FBXO2: variants seen among roughly 807,000 people sequenced by gnomAD.
FBXO2 encodes the protein F-box protein 2.
Under a neutral mutation model 38.6 loss-of-function variants are expected in FBXO2, and 32 were observed. That is an observed-to-expected ratio of 0.83 (90% CI 0.62 to 1.11). FBXO2 has a LOEUF of 1.11. Ranked by LOEUF, FBXO2 falls within the 50% of genes most tolerant of loss-of-function variation. The pLI is 0.00. For synonymous variants in FBXO2, 189 were observed against 182.9 expected, an observed-to-expected ratio of 1.03 and a Z score of -0.27; for missense variants, 450 against 418.3, an observed-to-expected ratio of 1.08 and a Z score of -0.66.
chr1:11,654,374 G>C lies in FBXO2; in HGVS notation c.-34C>G, dbSNP rs892150810. 6 of 1,384,636 alleles carry C rather than the reference G, an allele frequency of 4.3e-6. No individual in the cohort carries two copies. The highest frequency in any genetic ancestry group is 3.6e-5 in the Admixed American group (1 of 27,908). The allele number at this position is 1,384,636 out of a possible 1,614,324, so 85.8% of individuals were successfully genotyped here. On this transcript the variant is annotated 5_prime_UTR_variant, in exon 1 of 6. Coordinates refer to ENST00000354287, the MANE Select transcript of FBXO2 (RefSeq NM_012168.6). ...AGGGCGGTCGCGAGAGGAGGAGCCG[G>C]AGCGCTGCGGGCTGCGCGAGTCCCG...
chr1:11,651,941 C>T (rs1639528632), intron 1 of FBXO2, among the ~76,000 whole-genome samples: 1 of 152,102 alleles, frequency 6.6e-6, no homozygotes, highest in African/African-American at 2.4e-5. Flanking sequence ...TCAGGTGATC[C>T]ACCCGCCTCA....
chr1:11,648,865 C>T lies in FBXO2; in HGVS notation c.757-37G>A. The T allele has an allele frequency of 6.2e-7, 1 of 1,608,732 alleles. No individual in the cohort carries two copies. The highest frequency in any genetic ancestry group is 1.1e-5 in the South Asian group (1 of 90,982). ...GGTAACAAGAGTCAGCCTCGGAGGT[C>T]CTGAGGCCTCTCCTGCCGCCCCACC... On this transcript the variant is annotated intron_variant, in intron 5 of 5. Transcript: ENST00000354287. This position sits in a 1 kb window ranked among gnomAD's most constrained non-coding sequence, Gnocchi z 4.2.
chr1:11,650,541 C>T lies in FBXO2; in HGVS notation c.316G>A (p.Glu106Lys). ...GLVPEGGVEE[E>K]RDHWQQFYFL... The stretch of plus-strand genomic sequence containing the variant: ...TAGAACTGCTGCCAGTGGTCGCGCT[C>T]CTCCTCCACGCCGCCCTCGGGCACC... The change falls in exon 2 of 6, where the codon GAG (glutamate) becomes AAG (lysine). Residue 106 changes from glutamate (E) to lysine (K), a missense_variant. By Grantham distance (56) the Glu-to-Lys change is moderately conservative (BLOSUM62 1). Coordinates refer to ENST00000354287, the MANE Select transcript of FBXO2 (RefSeq NM_012168.6). The T allele has an allele frequency of 6.2e-7, 1 of 1,601,062 alleles. No individual in the cohort carries two copies. The highest frequency in any genetic ancestry group is 8.5e-7 in the Non-Finnish European group (1 of 1,175,198).
At chr1:11,652,926 T>A (rs1171860924) in intron 1 of FBXO2, among the ~76,000 whole-genome samples, 1 of 152,208 alleles carries the variant, frequency 6.6e-6, no homozygotes, top group Non-Finnish European at 1.5e-5. Context: ...TGAACCTCAT[T>A]GAACACAGCA....
intron 4 of FBXO2, 48 bp from the exon 5 acceptor site, chr1:11,649,273 G>A (rs1481894171): frequency 2.2e-6 from 3 of 1,365,410 alleles, no homozygotes; most frequent in Non-Finnish European, 3.0e-6. Context: ...TGGGGTGGGG[G>A]CATGGCCTCA....
chr1:11,652,159 C>G (rs965370872), intron 1 of FBXO2, among the ~76,000 whole-genome samples: 1 of 152,170 alleles, frequency 6.6e-6, no homozygotes, highest in Admixed American at 6.5e-5. Context: ...TGCAAATGCT[C>G]AGGCTCAGGG....
intron 2 of FBXO2, 70 bp from the exon 3 acceptor site, chr1:11,650,144 T>C (rs1471532647): frequency 6.3e-7 from 1 of 1,591,072 alleles, no homozygotes; most frequent in Non-Finnish European, 8.6e-7. Flanking sequence ...CACTATGTGG[T>C]GGGGGGCAGG....
In FBXO2 at chr1:11,648,427, G is replaced by A; in HGVS notation, c.*267C>T. 2.1e-6 allele frequency: 1 copy of A among 465,448 alleles called. No homozygotes were observed. 28.8% of individuals were successfully genotyped at this position (465,448 alleles called of 1,614,324 possible). A position where few individuals can be genotyped will look rare whatever the true frequency, so the allele number is the denominator to read the frequency against. On this transcript the variant is annotated 3_prime_UTR_variant, in exon 6 of 6. Coordinates refer to ENST00000354287, the MANE Select transcript of FBXO2 (RefSeq NM_012168.6). This position sits in a 1 kb window ranked among gnomAD's most constrained non-coding sequence, Gnocchi z 4.2. ...ATATTTATTGAGAGCCCACTTTGTG[G>A]CAAGCACTGTGCTAGGTGCAGGGAA...
chr1:11,649,761 A>ACC lies in FBXO2; in HGVS notation c.617+16_617+17dup. On this transcript the variant is annotated intron_variant, in intron 4 of 5. Transcript: ENST00000354287. ...ACCCCGCTCCTCCCAGCCCCATGCCACCCCAGGACCCTCTCACCAGTCCTT... is the reference window on the plus strand; with the variant it reads ...ACCCCGCTCCTCCCAGCCCCATGCCACCCCCCAGGACCCTCTCACCAGTCCTT... 6.2e-7 allele frequency: 1 copy of ACC among 1,610,044 alleles called. No individual in the cohort carries two copies. The highest frequency in any genetic ancestry group is 8.5e-7 in the Non-Finnish European group (1 of 1,178,152).
rs1209434284 is a variant in FBXO2 at position 11,649,946 on chromosome 1, C to G, written c.520G>C (p.Glu174Gln). 4 of 1,614,026 alleles carry G rather than the reference C, an allele frequency of 2.5e-6. No homozygotes were observed. The Admixed American group carries it at 6.7e-5, about 27-fold the overall frequency. The change falls in exon 3 of 6, where the codon GAG becomes CAG. Residue 174 changes from glutamate (E) to glutamine (Q), a missense_variant and splice_region_variant. Glu to Gln is a conservative substitution (Grantham distance 29). Transcript: ENST00000354287. Reference protein sequence around the residue: ...SVKKYFASSFEWCRKAQVIDL... With the variant: ...SVKKYFASSFQWCRKAQVIDL... Reference sequence around the variant, plus strand: ...CCTCCTCCACCCCCTTCTCCTTACTCAAAGGAGGAGGCGAAGTACTTCTTG... The same window carrying G: ...CCTCCTCCACCCCCTTCTCCTTACTGAAAGGAGGAGGCGAAGTACTTCTTG...
rs1639471298 is a variant in FBXO2 at position 11,649,150 on chromosome 1, C to T, written c.693G>A (p.Leu231=). The change falls in exon 5 of 6, where the codon CTG becomes CTA. Residue 231 remains leucine (L), a synonymous_variant. Coordinates refer to ENST00000354287, the MANE Select transcript of FBXO2 (RefSeq NM_012168.6). ...CCACCTGCCCGCTGCTGAACTCAGCCAGCACGTTCTCGTGCTCGGACAGTA... is the reference window on the plus strand; with the variant it reads ...CCACCTGCCCGCTGCTGAACTCAGCTAGCACGTTCTCGTGCTCGGACAGTA... ...VKLLSEHENV[L]AEFSSGQVAV... is the part of the protein sequence containing the mutation. 2 of 1,588,166 alleles carry T rather than the reference C, an allele frequency of 1.3e-6. No individual in the cohort carries two copies. The highest frequency in any genetic ancestry group is 2.3e-5 in the South Asian group (2 of 87,094).
intron 1 of FBXO2, among the ~76,000 whole-genome samples, chr1:11,651,696 G>C (rs1262189727): frequency 6.8e-6 from 1 of 147,270 alleles, no homozygotes; most frequent in Non-Finnish European, 1.5e-5. Flanking sequence ...GCAGTGTTAG[G>C]ATTTTGACTT....
chr1:11,652,527 C>A (rs552938691), intron 1 of FBXO2, among the ~76,000 whole-genome samples: 1 of 152,350 alleles, frequency 6.6e-6, no homozygotes, highest in East Asian at 1.9e-4. Context: ...GTCACCGCGG[C>A]AGCCGGACTG....
chr1:11,649,590 G>A, intron 4 of FBXO2, 189 bp downstream of exon 4: 1 of 607,498 alleles, frequency 1.6e-6, no homozygotes, highest in Non-Finnish European at 2.9e-6. Context: ...TTAAAACTCA[G>A]GAGGGGAGGT....
intron 1 of FBXO2, among the ~76,000 whole-genome samples, chr1:11,651,057 T>C (rs936794807): frequency 5.9e-5 from 9 of 152,192 alleles, no homozygotes; most frequent in African/African-American, 2.2e-4. Context: ...CAGAGGCCTA[T>C]TTCCTCTGCT....
chr1:11,650,878 T>TA (rs1314611937), intron 1 of FBXO2, 44 bp from the exon 2 acceptor site: 1 of 1,552,772 alleles, frequency 6.4e-7, no homozygotes, highest in African/African-American at 1.4e-5. Flanking sequence ...CTCCACCCTG[T>TA]ACTCCTCCAG....
chr1:11,651,801 A>G (rs1328771277), intron 1 of FBXO2, among the ~76,000 whole-genome samples: 1 of 152,136 alleles, frequency 6.6e-6, no homozygotes, highest in Non-Finnish European at 1.5e-5. Flanking sequence ...GAAGCTGAGA[A>G]GCGATTCTTC....
At position 11,650,655 on chromosome 1, in the gene FBXO2, C is replaced by A; in HGVS notation, c.202G>T (p.Val68Leu). 6.4e-7 allele frequency: 1 copy of A among 1,557,764 alleles called. No homozygotes were observed. The highest frequency in any genetic ancestry group is 8.6e-7 in the Non-Finnish European group (1 of 1,157,266). Residue 68 changes from valine (V) to leucine (L), a missense_variant, in exon 2 of 6, where the codon GTG becomes TTG. Coordinates refer to ENST00000354287, the MANE Select transcript of FBXO2 (RefSeq NM_012168.6). ...VLAALPAAEL[V>L]QACRLVCLRW... is the part of the protein sequence containing the mutation. Reference sequence around the variant, plus strand: ...AGGCACACCAGGCGGCAGGCCTGCACCAGCTCGGCGGCCGGCAGTGCGGCC... The same window carrying A: ...AGGCACACCAGGCGGCAGGCCTGCAACAGCTCGGCGGCCGGCAGTGCGGCC...
At chr1:11,649,645 C>T in intron 4 of FBXO2, 134 bp downstream of exon 4, 1 of 849,608 alleles carries the variant, frequency 1.2e-6, no homozygotes, top group Non-Finnish European at 1.8e-6. Context: ...TCAACCTTTG[C>T]AGACCCGTGG....
Sources: gnomAD v4.1 joint callset for allele counts (sites outside exome capture counted in the v4.1 genomes callset) on GRCh38, gnomAD v4.1.1 for gene constraint, Gnocchi (gnomAD v3.1) non-coding constraint, MANE v1.5 for transcripts, NCBI Gene and HGNC (gene_info 2026-07-23, HGNC 2026-07-21) for gene names.